Variants in PDLIM5 observed in about 807,000 individuals in gnomAD.
PDLIM5 encodes PDZ and LIM domain protein 5.
In PDLIM5, 34 loss-of-function variants were observed where a neutral mutation model predicts 64.2. The ratio of observed to expected loss-of-function variants is 0.53; its 90% confidence interval spans 0.40 to 0.71. The LOEUF (loss-of-function observed/expected upper bound fraction) is 0.71, where lower values mean the gene tolerates loss of function less well. Among genes scored for constraint, PDLIM5 ranks in the 30% least tolerant of loss-of-function variants. The pLI is 0.00. For synonymous variants in PDLIM5, 253 were observed against 269.1 expected (o/e 0.94, Z 0.59); for missense variants, 683 against 733.6 (o/e 0.93, Z 0.80).
intron 2 of PDLIM5, among the ~76,000 whole-genome samples, chr4:94,520,744 A>G (rs968284930): frequency 6.6e-6 from 1 of 152,212 alleles, no homozygotes; most frequent in Non-Finnish European, 1.5e-5. Context: ...TTTACATCTT[A>G]TGAGTAGGAA....
intron 2 of PDLIM5, among the ~76,000 whole-genome samples, chr4:94,511,562 C>G (rs557887105): frequency 6.2e-4 from 93 of 150,788 alleles, no homozygotes; most frequent in African/African-American, 2.2e-3. Flanking sequence ...TCATACATTC[C>G]TTTTAAATAT....
chr4:94,634,480 T>C (rs1481933531), intron 8 of PDLIM5, among the ~76,000 whole-genome samples: 1 of 152,154 alleles, frequency 6.6e-6, no homozygotes. Flanking sequence ...TTTAAGTTTG[T>C]TCTTTGGGAT....
intron 7 of PDLIM5, 66 bp downstream of exon 7, chr4:94,586,510 C>A: frequency 2.1e-6 from 2 of 951,832 alleles, no homozygotes; most frequent in South Asian, 1.4e-5. Flanking sequence ...TTTAGTTTTT[C>A]AAATTGTCAA....
At chr4:94,609,149 T>C (rs1227227328) in intron 7 of PDLIM5, among the ~76,000 whole-genome samples, 2 of 152,138 alleles carry the variant, frequency 1.3e-5, no homozygotes, top group African/African-American at 4.8e-5. Flanking sequence ...GTTTCAGACA[T>C]CTAAGCTCAC....
chr4:94,625,014 C>A (rs1739553157), intron 8 of PDLIM5, among the ~76,000 whole-genome samples: 1 of 152,190 alleles, frequency 6.6e-6, no homozygotes, highest in African/African-American at 2.4e-5. Flanking sequence ...TTCAGGTAAT[C>A]CAATCTGGAG....
intron 3 of PDLIM5, among the ~76,000 whole-genome samples, chr4:94,547,591 A>G (rs1732434601): frequency 1.3e-5 from 2 of 152,174 alleles, no homozygotes; most frequent in Admixed American, 6.5e-5. Context: ...TTAATGTAAC[A>G]TATTCATAGG....
Position 94,654,455 on chromosome 4 carries a change from G to C in PDLIM5, c.1284-5G>C, listed in dbSNP as rs1233419755. 6 of 1,596,548 alleles carry C rather than the reference G, an allele frequency of 3.8e-6. No individual in the cohort carries two copies. In the African/African-American group the frequency reaches 4.0e-5, roughly 11 times the overall value. On this transcript the variant is annotated splice_polypyrimidine_tract_variant and splice_region_variant and intron_variant, in intron 9 of 12. Transcript: ENST00000317968. ...AACTTAGTTGGCCTCTTTTTCTTCT[G>C]TCAGAGGACCATTCTTAGTGGCACT...
At chr4:94,482,242 T>A (rs547624843) in intron 2 of PDLIM5, among the ~76,000 whole-genome samples, 2 of 152,020 alleles carry the variant, frequency 1.3e-5, no homozygotes, top group Non-Finnish European at 2.9e-5. Context: ...CAATTATAGC[T>A]CACTGTGGCC....
chr4:94,659,675 C>T (rs571939890), intron 11 of PDLIM5, among the ~76,000 whole-genome samples: 1 of 151,710 alleles, frequency 6.6e-6, no homozygotes, highest in East Asian at 2.0e-4. Flanking sequence ...CTACAGGCAC[C>T]CGCCACCACG....
intron 10 of PDLIM5, among the ~76,000 whole-genome samples, chr4:94,655,217 AAAG>A (rs538236162): frequency 4.6e-4 from 70 of 152,216 alleles, no homozygotes; most frequent in South Asian, 4.4e-3. Flanking sequence ...TTTTGCAAAA[AAAG>A]GAGTAATTTA....
At chr4:94,591,310 G>T (rs760036218) in intron 7 of PDLIM5, among the ~76,000 whole-genome samples, 7 of 152,172 alleles carry the variant, frequency 4.6e-5, no homozygotes, top group Non-Finnish European at 8.8e-5. Flanking sequence ...GTTAGAAGTA[G>T]TAAGAAGCAG....
chr4:94,455,685 C>A, intron 2 of PDLIM5: 1 of 1,060,462 alleles, frequency 9.4e-7, no homozygotes, highest in South Asian at 1.5e-5. Context: ...TTCTCTGAAT[C>A]TTCGTTCTTT....
In PDLIM5 at chr4:94,618,036, C is replaced by T; in HGVS notation, c.953C>T (p.Ser318Phe). The T allele has an allele frequency of 6.3e-7, 1 of 1,592,952 alleles. No individual in the cohort carries two copies. Among genetic ancestry groups the T allele is most frequent in the Non-Finnish European group, 8.5e-7 (1 of 1,170,134 alleles). The change falls in exon 8 of 13, where the codon TCC becomes TTC. Residue 318 changes from serine (S) to phenylalanine (F), a missense_variant. Physicochemically the swap from Ser to Phe is radical, Grantham distance 155. Coordinates refer to ENST00000317968, the MANE Select transcript of PDLIM5 (RefSeq NM_006457.5). ...CAGGAGCCTTCTCCGCAGTTGGCTT[C>T]CTCGGTAGCTTCCACACGGAGCATG... ...NSQEPSPQLASSVASTRSMPE... is the reference protein window; with the variant it reads ...NSQEPSPQLAFSVASTRSMPE...
intron 3 of PDLIM5, among the ~76,000 whole-genome samples, chr4:94,548,391 T>C (rs1732511114): frequency 6.6e-6 from 1 of 152,182 alleles, no homozygotes; most frequent in African/African-American, 2.4e-5. Context: ...AAAAATACTC[T>C]GAACATAAAT....
intron 2 of PDLIM5, among the ~76,000 whole-genome samples, chr4:94,458,467 A>G (rs1723574510): frequency 6.6e-6 from 1 of 152,158 alleles, no homozygotes; most frequent in South Asian, 2.1e-4. Context: ...GTTGTAGGGA[A>G]CATACAGTTA....
intron 3 of PDLIM5, among the ~76,000 whole-genome samples, chr4:94,550,330 T>G (rs1354575655): frequency 2.0e-5 from 3 of 152,218 alleles, no homozygotes; most frequent in Non-Finnish European, 4.4e-5. Flanking sequence ...ATCTATTTAA[T>G]AGAAATCTTT....
chr4:94,550,545 T>G (rs552591450), intron 3 of PDLIM5, among the ~76,000 whole-genome samples: 1 of 152,322 alleles, frequency 6.6e-6, no homozygotes, highest in South Asian at 2.1e-4. Context: ...TGGTGTATTA[T>G]CTCTAGTAGC....
At position 94,664,935 on chromosome 4, in the gene PDLIM5, A is replaced by G. The variant is rs137892930; in HGVS notation, c.*868A>G. On this transcript the variant is annotated 3_prime_UTR_variant, in exon 13 of 13. Coordinates refer to ENST00000317968, the MANE Select transcript of PDLIM5 (RefSeq NM_006457.5). ...TGGATCATTCTAGTAGGAAAGGACA[A>G]TAAGATTTTTTATCAAAATGTGTCA... is the stretch of plus-strand genomic sequence containing the variant. The G allele has an allele frequency of 1.1e-3, 1,100 of 982,174 alleles. 4 individuals are homozygous for G. The African/African-American group carries it at 0.017, about 15-fold the overall frequency. The allele number at this position is 982,174 out of a possible 1,614,324, so 60.8% of individuals were successfully genotyped here. A position where few individuals can be genotyped will look rare whatever the true frequency, so the allele number is the denominator to read the frequency against.
intron 7 of PDLIM5, chr4:94,587,836 C>T: frequency 1.2e-6 from 1 of 831,784 alleles, no homozygotes; most frequent in South Asian, 5.5e-5. Flanking sequence ...TAGGTATTAA[C>T]TAATAAGATA....
Sources: allele counts gnomAD v4.1 joint callset (sites outside exome capture counted in the v4.1 genomes callset), GRCh38; gene constraint gnomAD v4.1.1; transcripts MANE v1.5; gene names NCBI Gene and HGNC (gene_info 2026-07-23, HGNC 2026-07-21).